SIK3: variants seen among roughly 807,000 people sequenced by gnomAD.
The protein encoded by SIK3 is serine/threonine-protein kinase SIK3.
Under a neutral mutation model 144.2 loss-of-function variants are expected in SIK3, and 28 were observed. The observed-to-expected ratio is 0.19, with a 90% confidence interval of 0.14 to 0.27. The LOEUF is 0.27. SIK3 is among the 10% of genes least tolerant of loss of function. The pLI is 1.00. For missense variants in SIK3, 1,319 were observed against 1,776.0 expected (o/e 0.74, Z 4.62); for synonymous variants, 686 against 676.3 (o/e 1.01, Z -0.22).
intron 1 of SIK3, among the ~76,000 whole-genome samples, chr11:117,088,495 A>C (rs1264129601): frequency 1.4e-4 from 21 of 152,144 alleles, no homozygotes; most frequent in Admixed American, 1.4e-3. Flanking sequence ...TATAAAAACA[A>C]ACTCAGCTCT....
chr11:116,861,394 AC>A lies in SIK3; in HGVS notation c.2316-12del, dbSNP rs1388045493. Reference sequence around the variant, plus strand: ...GGCTGAATCCTTAACCTTAAAAATAACAAAAGAGATACACAAAGAAGCTTCC... The same window carrying A: ...GGCTGAATCCTTAACCTTAAAAATAAAAAAGAGATACACAAAGAAGCTTCC... On this transcript the variant is annotated splice_polypyrimidine_tract_variant and intron_variant, in intron 18 of 24. Transcript: ENST00000445177. The A allele has an allele frequency of 1.9e-6, 3 of 1,572,922 alleles. No homozygotes were observed. The highest frequency in any genetic ancestry group is 1.8e-5 in the Admixed American group (1 of 56,272).
At chr11:116,984,165 T>C (rs1035817969) in intron 1 of SIK3, among the ~76,000 whole-genome samples, 3 of 151,922 alleles carry the variant, frequency 2.0e-5, no homozygotes, top group African/African-American at 7.3e-5. Context: ...AACTTTTAAA[T>C]GTTAGATCTC....
At chr11:116,973,933 G>A (rs7937585) in intron 1 of SIK3, among the ~76,000 whole-genome samples, 10,747 of 152,190 alleles carry the variant, frequency 0.071, 672 homozygotes, top group African/African-American at 0.17. Flanking sequence ...TGACTAAATG[G>A]CGTGTGGTAT....
intron 6 of SIK3, among the ~76,000 whole-genome samples, chr11:116,880,125 C>T (rs1944470146): frequency 6.6e-6 from 1 of 152,106 alleles, no homozygotes; most frequent in Admixed American, 6.5e-5. Context: ...TTTTCCAAGG[C>T]AATTTCCTTA....
At chr11:117,046,563 T>C (rs1434455395) in intron 1 of SIK3, among the ~76,000 whole-genome samples, 1 of 152,174 alleles carries the variant, frequency 6.6e-6, no homozygotes. Context: ...CACTATTATA[T>C]TGCTAATTTT....
chr11:117,024,142 G>A (rs1291188122), intron 1 of SIK3, among the ~76,000 whole-genome samples: 1 of 151,840 alleles, frequency 6.6e-6, no homozygotes, highest in Non-Finnish European at 1.5e-5. Context: ...AAAAACAAGG[G>A]TACATAAGCA....
intron 3 of SIK3, among the ~76,000 whole-genome samples, chr11:116,939,328 A>C (rs1020579086): frequency 6.6e-6 from 1 of 152,108 alleles, no homozygotes; most frequent in Non-Finnish European, 1.5e-5. Context: ...TTGTATTTTC[A>C]ATAAAGACAA....
chr11:116,908,470 C>T (rs147997016), intron 4 of SIK3, among the ~76,000 whole-genome samples: 12 of 151,998 alleles, frequency 7.9e-5, no homozygotes, highest in Admixed American at 1.3e-4. Context: ...TGGAGTGAGA[C>T]CCTATCTCAA....
chr11:116,940,255 A>T (rs1948216005), intron 3 of SIK3, among the ~76,000 whole-genome samples: 1 of 147,288 alleles, frequency 6.8e-6, no homozygotes, highest in Admixed American at 6.8e-5. Context: ...TTTGAGACAG[A>T]GTCTCACTCT....
chr11:116,897,109 ATT>A, intron 5 of SIK3, 82 bp downstream of exon 5: 1 of 1,391,638 alleles, frequency 7.2e-7, no homozygotes, highest in Non-Finnish European at 9.9e-7. Flanking sequence ...ATGTTGCATC[ATT>A]ATGTATCCTT....
intron 3 of SIK3, among the ~76,000 whole-genome samples, chr11:116,934,824 A>C (rs1264713347): frequency 6.6e-6 from 1 of 152,140 alleles, no homozygotes; most frequent in African/African-American, 2.4e-5. Flanking sequence ...TCACCTCTAT[A>C]ATCCCAGCAC....
At chr11:116,904,110 A>G (rs936229920) in intron 4 of SIK3, among the ~76,000 whole-genome samples, 1 of 152,148 alleles carries the variant, frequency 6.6e-6, no homozygotes, top group Non-Finnish European at 1.5e-5. Flanking sequence ...AACTCTTCCA[A>G]TGGGAATAGC....
At chr11:117,038,355 G>A (rs966379878) in intron 1 of SIK3, among the ~76,000 whole-genome samples, 5 of 144,750 alleles carry the variant, frequency 3.5e-5, no homozygotes, top group Admixed American at 7.0e-5. Flanking sequence ...ACTGCTACAA[G>A]ATACTTTTTT....
intron 3 of SIK3, among the ~76,000 whole-genome samples, chr11:116,935,923 G>A (rs983809064): frequency 3.9e-5 from 6 of 152,170 alleles, no homozygotes; most frequent in African/African-American, 1.4e-4. Flanking sequence ...AACCTCCTGA[G>A]CTCCAAACTC....
At chr11:116,897,011 A>C (rs546311519) in intron 5 of SIK3, among the ~76,000 whole-genome samples, 182 bp downstream of exon 5, 8 of 135,080 alleles carry the variant, frequency 5.9e-5, no homozygotes, top group African/African-American at 2.0e-4. Context: ...TGGGCGACAG[A>C]GTGAGACTCT....
intron 1 of SIK3, among the ~76,000 whole-genome samples, chr11:116,961,585 A>G (rs1949350521): frequency 6.6e-6 from 1 of 152,230 alleles, no homozygotes; most frequent in African/African-American, 2.4e-5. Flanking sequence ...GAATGTTATT[A>G]TATTGGGGTT....
intron 20 of SIK3, among the ~76,000 whole-genome samples, 196 bp downstream of exon 20, chr11:116,859,066 CATT>C (rs1943156496): frequency 6.6e-6 from 1 of 152,210 alleles, no homozygotes; most frequent in Admixed American, 6.5e-5. Context: ...ACCTCAGTCT[CATT>C]AGAATTTTAA....
At chr11:116,853,540 C>T (rs914424761) in intron 21 of SIK3, among the ~76,000 whole-genome samples, 1 of 152,252 alleles carries the variant, frequency 6.6e-6, no homozygotes, top group African/African-American at 2.4e-5. Flanking sequence ...GCAACCTGCA[C>T]AATTCTCTAT....
At chr11:117,054,276 C>T (rs1953404446) in intron 1 of SIK3, among the ~76,000 whole-genome samples, 1 of 152,162 alleles carries the variant, frequency 6.6e-6, no homozygotes, top group Non-Finnish European at 1.5e-5. Context: ...AAAAAGAAGG[C>T]AGGTACAGCA....
Sources: gnomAD v4.1 joint callset for allele counts (sites outside exome capture counted in the v4.1 genomes callset) on GRCh38, gnomAD v4.1.1 for gene constraint, MANE v1.5 for transcripts, NCBI Gene and HGNC (gene_info 2026-07-23, HGNC 2026-07-21) for gene names.